TERF2: variants seen among roughly 807,000 people sequenced by gnomAD.
TERF2 encodes telomeric repeat-binding factor 2.
Under a neutral mutation model 56.1 loss-of-function variants are expected in TERF2, and 16 were observed. The ratio of observed to expected loss-of-function variants is 0.29; its 90% CI spans 0.19 to 0.43. The LOEUF is 0.43. Among genes scored for constraint, TERF2 ranks in the 20% least tolerant of loss-of-function variants. The pLI is 1.00. For synonymous variants in TERF2, 296 were observed against 282.1 expected, an observed-to-expected ratio of 1.05 and a Z score of -0.50; for missense variants, 547 against 712.9, an observed-to-expected ratio of 0.77 and a Z score of 2.65.
At chr16:69,383,120 G>A (rs557652894) in intron 3 of TERF2, among the ~76,000 whole-genome samples, 1 of 152,260 alleles carries the variant, frequency 6.6e-6, no homozygotes, top group African/African-American at 2.4e-5. Flanking sequence ...TTCCAGAAGA[G>A]GGGCCAGATG....
chr16:69,362,862 T>G (rs2142715344), intron 7 of TERF2, among the ~76,000 whole-genome samples: 1 of 152,250 alleles, frequency 6.6e-6, no homozygotes, highest in African/African-American at 2.4e-5. Context: ...TAACCAAGAA[T>G]AGAGACAAAT....
chr16:69,380,035 T>A (rs1484816242), intron 3 of TERF2, among the ~76,000 whole-genome samples: 2 of 151,958 alleles, frequency 1.3e-5, no homozygotes, highest in African/African-American at 2.4e-5. Context: ...TGCCTCAGCC[T>A]CCCGAGTAGC....
intron 7 of TERF2, chr16:69,365,775 C>G (rs2013320721): frequency 6.6e-6 from 1 of 152,326 alleles, no homozygotes; most frequent in Admixed American, 6.5e-5. Context: ...ATCTGCCTGC[C>G]TCAGCCTCCC....
intron 3 of TERF2, among the ~76,000 whole-genome samples, chr16:69,378,240 ACT>A (rs1419838776): frequency 3.3e-5 from 5 of 151,974 alleles, no homozygotes; most frequent in Non-Finnish European, 7.4e-5. Context: ...TGGTTTCCCC[ACT>A]CTGTCACACA....
At position 69,357,521 on chromosome 16, in the gene TERF2, C is replaced by T. The variant is rs2012948841; in HGVS notation, c.1467G>A (p.Lys489=). 1 of 1,612,670 alleles carries T rather than the reference C, an allele frequency of 6.2e-7. No individual in the cohort carries two copies. The highest frequency in any genetic ancestry group is 1.7e-4 in the Middle Eastern group (1 of 6,056). ...AGAAAAGAGAATTTTAAATTACCTG[C>T]TTTTTTGTTATATTGGTTGTACTGT... The part of the protein sequence containing the change: ...DEDSTTNITK[K]QKWTVEESEW... The change falls in exon 9 of 10, where the codon AAG becomes AAA. Residue 489 remains lysine (K), a synonymous_variant. Coordinates refer to ENST00000254942, the MANE Select transcript of TERF2 (RefSeq NM_005652.5).
chr16:69,356,014 G>T lies in TERF2; in HGVS notation c.*884C>A, dbSNP rs2012883105. ...ATTAACCTGCCTACATAGCCCAGCA[G>T]ATGTTGACAGCAAATGCCAAGGCAG... On this transcript the variant is annotated 3_prime_UTR_variant, in exon 10 of 10. Coordinates refer to ENST00000254942, the MANE Select transcript of TERF2 (RefSeq NM_005652.5). 1 of 309,386 alleles carries T rather than the reference G, an allele frequency of 3.2e-6. No individual in the cohort carries two copies. Among genetic ancestry groups the T allele is most frequent in the South Asian group, 2.6e-5 (1 of 38,430 alleles). 19.2% of individuals were successfully genotyped at this position (309,386 alleles called of 1,614,324 possible).
chr16:69,380,907 T>C (rs1262134796), intron 3 of TERF2, among the ~76,000 whole-genome samples: 2 of 151,100 alleles, frequency 1.3e-5, no homozygotes, highest in Non-Finnish European at 2.9e-5. Flanking sequence ...GTTCAAGCAA[T>C]TCTCCTGCCT....
In TERF2 at chr16:69,357,581, G is replaced by C. The variant is rs746852730; in HGVS notation, c.1427-20C>G. ...GTGCTGCTGGAAAACATTAAAAGTA[G>C]ACTCATTTCAGAGTTCACCTTTCTC... On this transcript the variant is annotated intron_variant, in intron 8 of 9. Coordinates refer to ENST00000254942, the MANE Select transcript of TERF2 (RefSeq NM_005652.5). The C allele has an allele frequency of 1.2e-5, 20 of 1,612,282 alleles. 1 individual carries two copies. The South Asian group carries it at 2.0e-4, about 16-fold the overall frequency.
chr16:69,356,833 C>A lies in TERF2; in HGVS notation c.*65G>T. ...AAAAAAAAGAAAAAGAAAGAAAGAG[C>A]AGACTATCAGGGGCTATTATTAGGA... On this transcript the variant is annotated 3_prime_UTR_variant, in exon 10 of 10. Transcript: ENST00000254942. 2 of 1,442,716 alleles carry A rather than the reference C, an allele frequency of 1.4e-6. No individual in the cohort carries two copies. The allele number at this position is 1,442,716 out of a possible 1,614,324, so 89.4% of individuals were successfully genotyped here. A position where few individuals can be genotyped will look rare whatever the true frequency, so the allele number is the denominator to read the frequency against.
At chr16:69,375,273 T>C (rs942833081) in intron 3 of TERF2, among the ~76,000 whole-genome samples, 1 of 152,230 alleles carries the variant, frequency 6.6e-6, no homozygotes, top group Non-Finnish European at 1.5e-5. Flanking sequence ...TACCCAAGAA[T>C]AGGATTGCAT....
chr16:69,378,593 T>C (rs1275764834), intron 3 of TERF2, among the ~76,000 whole-genome samples: 1 of 152,196 alleles, frequency 6.6e-6, no homozygotes, highest in African/African-American at 2.4e-5. Context: ...ACTTCCAGGT[T>C]TCAGGCTGCC....
At chr16:69,375,992 T>C (rs2013765267) in intron 3 of TERF2, among the ~76,000 whole-genome samples, 1 of 152,196 alleles carries the variant, frequency 6.6e-6, no homozygotes, top group African/African-American at 2.4e-5. Flanking sequence ...TTTGTAAATA[T>C]TTTCTCCCAA....
rs1229713033 is a variant in TERF2 at position 69,385,331 on chromosome 16, A to G, written c.475+60T>C. Reference sequence around the variant, plus strand: ...CCTGGAATCCTTCAGTTCTAGATATAAGTTTTAAAACAAAACCCTACGCAA... The same window carrying G: ...CCTGGAATCCTTCAGTTCTAGATATGAGTTTTAAAACAAAACCCTACGCAA... On this transcript the variant is annotated intron_variant, in intron 2 of 9. Coordinates refer to ENST00000254942, the MANE Select transcript of TERF2 (RefSeq NM_005652.5). The G allele has an allele frequency of 2.1e-6, 3 of 1,426,176 alleles. No individual in the cohort carries two copies. The East Asian group carries it at 6.8e-5, about 32-fold the overall frequency. The allele number at this position is 1,426,176 out of a possible 1,614,324, so 88.3% of individuals were successfully genotyped here. A position where few individuals can be genotyped will look rare whatever the true frequency, so the allele number is the denominator to read the frequency against.
Position 69,366,644 on chromosome 16 carries a change from T to C in TERF2, c.1340+163A>G, listed in dbSNP as rs2013355481. On this transcript the variant is annotated intron_variant, in intron 7 of 9. Transcript: ENST00000254942. The stretch of plus-strand genomic sequence containing the variant: ...TGCGGGGCTTCAGAACCGGCAGGGA[T>C]GGCTACGTCGTCACTGGCCACTCCT... 4 of 910,122 alleles carry C rather than the reference T, an allele frequency of 4.4e-6. No homozygotes were observed. In the South Asian group the frequency reaches 8.0e-5, roughly 18 times the overall value. 56.4% of individuals were successfully genotyped at this position (910,122 alleles called of 1,614,324 possible). A position where few individuals can be genotyped will look rare whatever the true frequency, so the allele number is the denominator to read the frequency against.
chr16:69,366,731 C>G (rs1229157178), intron 7 of TERF2, 76 bp downstream of exon 7: 2 of 1,506,194 alleles, frequency 1.3e-6, no homozygotes, highest in African/African-American at 2.8e-5. Context: ...AAAGTTACTT[C>G]ATTCACGGAA....
At chr16:69,369,142 T>G (rs2013471395) in intron 5 of TERF2, among the ~76,000 whole-genome samples, 1 of 75,610 alleles carries the variant, frequency 1.3e-5, no homozygotes, top group South Asian at 4.7e-4. Context: ...AAGGATAGTT[T>G]CCAGTTACCT....
chr16:69,377,913 T>C (rs572466996), intron 3 of TERF2, among the ~76,000 whole-genome samples: 1 of 152,318 alleles, frequency 6.6e-6, no homozygotes, highest in East Asian at 1.9e-4. Flanking sequence ...AATTTTATTA[T>C]TTCCTCTCCA....
chr16:69,381,962 T>A (rs1483263497), intron 3 of TERF2, among the ~76,000 whole-genome samples: 1 of 152,076 alleles, frequency 6.6e-6, no homozygotes, highest in African/African-American at 2.4e-5. Flanking sequence ...TTGGTAGTTT[T>A]AAAAAAAATT....
chr16:69,369,898 C>A (rs939162835), intron 5 of TERF2, among the ~76,000 whole-genome samples: 1 of 152,230 alleles, frequency 6.6e-6, no homozygotes, highest in Admixed American at 6.5e-5. Flanking sequence ...CCTTTGGGAA[C>A]CACCATCGAT....
Sources: gnomAD v4.1 joint callset for allele counts (sites outside exome capture counted in the v4.1 genomes callset) on GRCh38, gnomAD v4.1.1 for gene constraint, MANE v1.5 for transcripts, NCBI Gene and HGNC (gene_info 2026-07-23, HGNC 2026-07-21) for gene names.